PYGO1: variants seen among roughly 807,000 people sequenced by gnomAD.
PYGO1 encodes the protein pygopus family PHD finger 1.
PYGO1 carries 6 observed loss-of-function variants against 29.5 expected under a neutral mutation model. The ratio of observed to expected loss-of-function variants is 0.20; its 90% confidence interval spans 0.11 to 0.40. The LOEUF (loss-of-function observed/expected upper bound fraction) is 0.40. Ranked by LOEUF, PYGO1 falls within the 10% of genes least tolerant of loss-of-function variation. The probability of loss-of-function intolerance (pLI) is 1.00; values close to 1 mark genes in which losing one functional copy is unlikely to be tolerated. For missense variants in PYGO1, 515 were observed against 514.9 expected (o/e 1.00, Z 0.00); for synonymous variants, 186 against 180.5 (o/e 1.03, Z -0.24).
chr15:55,574,033 G>A (rs895585902), intron 1 of PYGO1, among the ~76,000 whole-genome samples: 9 of 152,110 alleles, frequency 5.9e-5, no homozygotes, highest in South Asian at 2.1e-4. Flanking sequence ...TTCTGGTAAC[G>A]TCATGGCTTT....
chr15:55,557,617 C>G (rs2141655678), intron 1 of PYGO1, among the ~76,000 whole-genome samples: 1 of 152,280 alleles, frequency 6.6e-6, no homozygotes, highest in Non-Finnish European at 1.5e-5. Context: ...AAACCGAATC[C>G]AGCAGCACAT....
At position 55,587,905 on chromosome 15, in the gene PYGO1, C is replaced by A. The variant is rs1312564605; in HGVS notation, c.-22G>T. 1 of 1,454,934 alleles carries A rather than the reference C, an allele frequency of 6.9e-7. No homozygotes were observed. Among genetic ancestry groups the A allele is most frequent in the Non-Finnish European group, 9.1e-7 (1 of 1,100,846 alleles). The allele number at this position is 1,454,934 out of a possible 1,614,324, so 90.1% of individuals were successfully genotyped here. ...ACATTACAGACCGCAAAGCATGACT[C>A]CCCCCCAGGCCGCGGGAATTCGGTC... On this transcript the variant is annotated 5_prime_UTR_variant, in exon 1 of 3. Coordinates refer to ENST00000563719, the MANE Select transcript of PYGO1 (RefSeq NM_001367806.1).
Position 55,542,559 on chromosome 15 carries a change from C to T in PYGO1, c.*3464G>A, listed in dbSNP as rs1008085731. ...GTTTCAGTATTAGTGAATCGAGTAA[C>T]ACCTAGAAGCATGTGGACCACAAAT... is the stretch of plus-strand genomic sequence containing the variant. On this transcript the variant is annotated 3_prime_UTR_variant, in exon 3 of 3. Coordinates refer to ENST00000563719, the MANE Select transcript of PYGO1 (RefSeq NM_001367806.1). The T allele has an allele frequency of 6.6e-6, 1 of 152,166 alleles. No homozygotes were observed. Among genetic ancestry groups the T allele is most frequent in the Non-Finnish European group, 1.5e-5 (1 of 68,024 alleles). 9.4% of individuals were successfully genotyped at this position (152,166 alleles called of 1,614,324 possible).
intron 1 of PYGO1, among the ~76,000 whole-genome samples, chr15:55,553,649 G>A (rs1367758876): frequency 2.6e-5 from 4 of 152,112 alleles, no homozygotes; most frequent in Non-Finnish European, 5.9e-5. Context: ...GACCTCAAGT[G>A]ATCTACCCAC....
At chr15:55,557,386 G>A (rs1171908191) in intron 1 of PYGO1, among the ~76,000 whole-genome samples, 1 of 152,060 alleles carries the variant, frequency 6.6e-6, no homozygotes, top group East Asian at 1.9e-4. Flanking sequence ...AGGACCAGAC[G>A]GATTCACAGC....
chr15:55,575,384 G>A (rs998830625), intron 1 of PYGO1, among the ~76,000 whole-genome samples: 2 of 152,034 alleles, frequency 1.3e-5, no homozygotes, highest in Non-Finnish European at 2.9e-5. Flanking sequence ...ACACTACTTT[G>A]CTTTTTAAGC....
In PYGO1 at chr15:55,546,125, T is replaced by A. The variant is rs559608416; in HGVS notation, c.1158A>T (p.Ala386=). ...ETAYGLLTAE[A]SAVWGCDTCM... ...AGGTATCACAGCCCCATACTGCAGA[T>A]GCTTCTGCAGTTAAGAGGCCATAAG... Residue 386 remains alanine, a synonymous_variant, in exon 3 of 3, where the codon GCA becomes GCT. Transcript: ENST00000563719. 2 of 1,613,720 alleles carry A rather than the reference T, an allele frequency of 1.2e-6. No homozygotes were observed. Among genetic ancestry groups the A allele is most frequent in the African/African-American group, 1.3e-5 (1 of 74,928 alleles).
rs138142572 is a variant in PYGO1, at chr15:55,585,078, A to T, written c.49+2757T>A. 2.9e-3 allele frequency among the ~76,000 whole-genome samples: 439 copies of T among 152,306 alleles called. 2 individuals carry two copies. Among genetic ancestry groups the T allele is most frequent in the African/African-American group, 0.01 (416 of 41,566 alleles). ...ATGCTTTTGGTCTGCAGAGCATGCT[A>T]CTGTAAAGTCCTCAGTCATTCATGT... On this transcript the variant is annotated intron_variant, in intron 1 of 2. Transcript: ENST00000563719.
rs2058844582 is a variant in PYGO1, at chr15:55,545,267, GA to G, written c.*755del. 6.6e-6 allele frequency: 1 copy of G among 152,160 alleles called. No individual in the cohort carries two copies. Among genetic ancestry groups the G allele is most frequent in the Admixed American group, 6.5e-5 (1 of 15,274 alleles). 9.4% of individuals were successfully genotyped at this position (152,160 alleles called of 1,614,324 possible). Reference sequence around the variant, plus strand: ...AATAACAAGACAACTCAATATCAAAGAAAAGTAGGAGCATAATACTATCATA... The same window carrying G: ...AATAACAAGACAACTCAATATCAAAGAAAGTAGGAGCATAATACTATCATA... On this transcript the variant is annotated 3_prime_UTR_variant, in exon 3 of 3. Coordinates refer to ENST00000563719, the MANE Select transcript of PYGO1 (RefSeq NM_001367806.1).
At chr15:55,566,337 C>G (rs935388155) in intron 1 of PYGO1, among the ~76,000 whole-genome samples, 3 of 151,606 alleles carry the variant, frequency 2.0e-5, no homozygotes, top group African/African-American at 7.3e-5. Context: ...ATTTTCTCTT[C>G]CTATGTTAAT....
At chr15:55,550,432 A>G (rs1027298556) in intron 1 of PYGO1, among the ~76,000 whole-genome samples, 6 of 152,068 alleles carry the variant, frequency 3.9e-5, no homozygotes, top group African/African-American at 1.4e-4. Flanking sequence ...TATCATCCCA[A>G]CAGGCCTTCT....
chr15:55,549,066 C>G, intron 1 of PYGO1, 71 bp from the exon 2 acceptor site: 4 of 1,149,834 alleles, frequency 3.5e-6, no homozygotes, highest in Non-Finnish European at 5.0e-6. Flanking sequence ...ATAGTAATAT[C>G]TATTATATTT....
At chr15:55,567,623 T>A (rs2058962703) in intron 1 of PYGO1, among the ~76,000 whole-genome samples, 2 of 152,186 alleles carry the variant, frequency 1.3e-5, no homozygotes, top group Admixed American at 1.3e-4. Context: ...AGATCCTACT[T>A]GTCAATTTTT....
intron 1 of PYGO1, among the ~76,000 whole-genome samples, chr15:55,574,233 T>G (rs962263198): frequency 6.6e-6 from 1 of 152,214 alleles, no homozygotes; most frequent in Non-Finnish European, 1.5e-5. Flanking sequence ...TAGCACCATG[T>G]GGTATTTTAA....
chr15:55,584,764 G>A (rs1201242757), intron 1 of PYGO1, among the ~76,000 whole-genome samples: 1 of 152,202 alleles, frequency 6.6e-6, no homozygotes, highest in Non-Finnish European at 1.5e-5. Flanking sequence ...TGGGGGTGGA[G>A]TGTTAAGAAC....
At chr15:55,588,486 C>G (rs2059060189), upstream of PYGO1, among the ~76,000 whole-genome samples, 1 of 146,810 alleles carries the variant, frequency 6.8e-6, no homozygotes, top group African/African-American at 2.4e-5. Context: ...GCTGCCTCGT[C>G]CCGCGGCGCC....
chr15:55,548,858 G>A (rs982298694), intron 2 of PYGO1, 52 bp downstream of exon 2: 16 of 1,490,844 alleles, frequency 1.1e-5, no homozygotes, highest in Non-Finnish European at 1.5e-5. Context: ...TACCTCATCA[G>A]CCTGACCATA....
At chr15:55,554,904 G>A (rs992405743) in intron 1 of PYGO1, among the ~76,000 whole-genome samples, 1 of 152,080 alleles carries the variant, frequency 6.6e-6, no homozygotes, top group African/African-American at 2.4e-5. Context: ...CCTGAAAAAG[G>A]GGGAGAATGG....
intron 1 of PYGO1, 114 bp from the exon 2 acceptor site, chr15:55,549,109 G>C (rs1042276762): frequency 5.4e-6 from 4 of 735,106 alleles, no homozygotes; most frequent in South Asian, 5.7e-5. Context: ...CGTTAGACAA[G>C]AGCAATACTT....
Sources: allele counts gnomAD v4.1 joint callset (sites outside exome capture counted in the v4.1 genomes callset), GRCh38; gene constraint gnomAD v4.1.1; transcripts MANE v1.5; gene names NCBI Gene and HGNC (gene_info 2026-07-23, HGNC 2026-07-21).